Variants in NMNAT3 observed in about 807,000 individuals in gnomAD.
The protein encoded by NMNAT3 is nicotinamide/nicotinic acid mononucleotide adenylyltransferase 3.
In NMNAT3, 21 loss-of-function variants were observed where a neutral mutation model predicts 24.8. The observed-to-expected ratio is 0.85, with a 90% CI of 0.60 to 1.22. The LOEUF (loss-of-function observed/expected upper bound fraction) is 1.22. Among genes scored for constraint, NMNAT3 ranks in the 50% most tolerant of loss-of-function variants. The pLI, the probability that NMNAT3 is intolerant of heterozygous loss-of-function variation, is 0.00. For missense variants in NMNAT3, 387 were observed against 436.6 expected, an observed-to-expected ratio of 0.89 and a Z score of 1.01; for synonymous variants, 136 against 155.2, an observed-to-expected ratio of 0.88 and a Z score of 0.92.
chr3:139,630,514 C>G (rs1033171817), intron 2 of NMNAT3, among the ~76,000 whole-genome samples: 47 of 152,210 alleles, frequency 3.1e-4, no homozygotes, highest in African/African-American at 1.1e-3. Flanking sequence ...TGTGTCTTTC[C>G]TATCCACTGG....
chr3:139,656,154 C>T (rs368334074), intron 1 of NMNAT3, among the ~76,000 whole-genome samples: 4 of 152,282 alleles, frequency 2.6e-5, no homozygotes, highest in East Asian at 1.9e-4. Flanking sequence ...TGAGGACAAA[C>T]CCTGGTAATT....
chr3:139,649,276 G>A (rs1040844705), intron 1 of NMNAT3, among the ~76,000 whole-genome samples: 7 of 151,992 alleles, frequency 4.6e-5, no homozygotes, highest in African/African-American at 1.7e-4. Context: ...TGTGGTTTCT[G>A]GAAGTTTCCT....
chr3:139,569,524 T>G (rs1248861633), intron 6 of NMNAT3: 4 of 152,220 alleles, frequency 2.6e-5, no homozygotes, highest in Admixed American at 1.3e-4. Flanking sequence ...AGGAGCTCTT[T>G]TAGGGCAGGC....
intron 1 of NMNAT3, among the ~76,000 whole-genome samples, chr3:139,645,861 C>T (rs578245786): frequency 1.2e-3 from 176 of 151,760 alleles, no homozygotes; most frequent in African/African-American, 3.7e-3. Context: ...GTGACTCAAG[C>T]GATAAAAATG....
At chr3:139,588,342 A>G (rs1458491058) in intron 3 of NMNAT3, among the ~76,000 whole-genome samples, 2 of 152,228 alleles carry the variant, frequency 1.3e-5, no homozygotes, top group African/African-American at 2.4e-5. Context: ...GAATGAAGAT[A>G]TACCATCCCT....
intron 3 of NMNAT3, among the ~76,000 whole-genome samples, chr3:139,597,386 A>G (rs1428523667): frequency 6.6e-6 from 1 of 152,162 alleles, no homozygotes; most frequent in Non-Finnish European, 1.5e-5. Flanking sequence ...TTTCATAAAA[A>G]TATATTGTCT....
intron 2 of NMNAT3, among the ~76,000 whole-genome samples, chr3:139,632,771 C>T (rs552948137): frequency 4.5e-4 from 69 of 152,340 alleles, no homozygotes; most frequent in Non-Finnish European, 7.9e-4. Context: ...CAGGGCTTAA[C>T]ACCTCACTGC....
chr3:139,620,314 TG>T (rs1559918368), intron 3 of NMNAT3, among the ~76,000 whole-genome samples: 1 of 151,900 alleles, frequency 6.6e-6, no homozygotes, highest in Non-Finnish European at 1.5e-5. Flanking sequence ...TATATACCCC[TG>T]AAACCCACAC....
At chr3:139,637,165 A>T (rs933362264) in intron 2 of NMNAT3, 1 of 152,228 alleles carries the variant, frequency 6.6e-6, no homozygotes, top group Non-Finnish European at 1.5e-5. Context: ...AGCTGCACTA[A>T]CAAACAACCT....
chr3:139,621,864 T>C (rs1197562646), intron 3 of NMNAT3, among the ~76,000 whole-genome samples: 5 of 152,242 alleles, frequency 3.3e-5, no homozygotes, highest in Non-Finnish European at 7.3e-5. Flanking sequence ...TTATTTCACT[T>C]AAGATAATGA....
chr3:139,669,886 C>T (rs1479786811), intron 1 of NMNAT3, among the ~76,000 whole-genome samples: 1 of 152,244 alleles, frequency 6.6e-6, no homozygotes, highest in East Asian at 1.9e-4. Flanking sequence ...GAGGAAAAAA[C>T]ATTGCCATAA....
chr3:139,630,181 A>G (rs2056233593), intron 2 of NMNAT3, among the ~76,000 whole-genome samples: 1 of 152,190 alleles, frequency 6.6e-6, no homozygotes. Context: ...AGAACACAAG[A>G]GCTTTTTTAG....
intron 5 of NMNAT3, chr3:139,576,132 A>G (rs1939271495): frequency 8.4e-7 from 1 of 1,192,268 alleles, no homozygotes; most frequent in South Asian, 1.6e-5. Context: ...ATGCAGATTC[A>G]CTACGGACTT....
chr3:139,647,556 A>G (rs565633425), intron 1 of NMNAT3, among the ~76,000 whole-genome samples: 4 of 152,320 alleles, frequency 2.6e-5, no homozygotes, highest in African/African-American at 9.6e-5. Flanking sequence ...AAATGCAATC[A>G]CATGTATCCT....
chr3:139,605,308 TG>T (rs778251643), intron 3 of NMNAT3, among the ~76,000 whole-genome samples: 11 of 152,304 alleles, frequency 7.2e-5, no homozygotes, highest in Non-Finnish European at 1.6e-4. Context: ...TACAAATACA[TG>T]CAAACATATG....
intron 3 of NMNAT3, among the ~76,000 whole-genome samples, chr3:139,587,717 A>C (rs1459008149): frequency 6.6e-6 from 1 of 152,222 alleles, no homozygotes; most frequent in Non-Finnish European, 1.5e-5. Flanking sequence ...AAGCAAAGTA[A>C]GTTATCTTTC....
chr3:139,563,735 A>C (rs1208769367), intron 6 of NMNAT3, among the ~76,000 whole-genome samples: 1 of 152,154 alleles, frequency 6.6e-6, no homozygotes, highest in African/African-American at 2.4e-5. Flanking sequence ...CAGGGCTCAC[A>C]AACGCATTCA....
chr3:139,583,205 T>C lies in NMNAT3; in HGVS notation c.113A>G (p.Tyr38Cys). 1 of 1,193,272 alleles carries C rather than the reference T, an allele frequency of 8.4e-7. No homozygotes were observed. The highest frequency in any genetic ancestry group is 1.2e-6 in the Non-Finnish European group (1 of 801,580). The allele number at this position is 1,193,272 out of a possible 1,614,324, so 73.9% of individuals were successfully genotyped here. ...TGCAACTTCATGGTCCTTTTCTTCATATTCTGGAATACAAGAAAACGTGTA... is the reference window on the plus strand; with the variant it reads ...TGCAACTTCATGGTCCTTTTCTTCACATTCTGGAATACAAGAAAACGTGTA... Residue 38 changes from tyrosine (Y) to cysteine (C), a missense_variant, in exon 4 of 7, where the codon TAT becomes TGT. This residue lies in a region of NMNAT3 where 51 missense variants were observed against 55.6 expected (regional missense o/e 0.92). Coordinates refer to ENST00000643695, the MANE Select transcript of NMNAT3 (RefSeq NM_001320510.2).
chr3:139,560,787 T>C lies in NMNAT3; in HGVS notation c.*223A>G. On this transcript the variant is annotated 3_prime_UTR_variant, in exon 7 of 7. Transcript: ENST00000643695. ...TAATCCTAATGACCTGCCACACCAT[T>C]TTAACTTCTTTGATAAATGTCTATC... 1.9e-6 allele frequency: 1 copy of C among 536,224 alleles called. No homozygotes were observed. Among genetic ancestry groups the C allele is most frequent in the Admixed American group, 3.3e-5 (1 of 30,256 alleles). 33.2% of individuals were successfully genotyped at this position (536,224 alleles called of 1,614,324 possible). A position where few individuals can be genotyped will look rare whatever the true frequency, so the allele number is the denominator to read the frequency against.
Sources: gnomAD v4.1 joint callset for allele counts (sites outside exome capture counted in the v4.1 genomes callset) on GRCh38, gnomAD v4.1.1 for gene constraint, gnomAD v4.1.1 regional missense constraint, MANE v1.5 for transcripts, NCBI Gene and HGNC (gene_info 2026-07-23, HGNC 2026-07-21) for gene names.